Variants in SLC35D4 observed in about 807,000 individuals in gnomAD.
SLC35D4 encodes UDP-N-acetylglucosamine transporter SLC35D4.
the SLC35D4 span, among the ~76,000 whole-genome samples, chr18:23,382,451 T>C: frequency 3.3e-5 from 5 of 151,804 alleles, no homozygotes; most frequent in African/African-American, 9.7e-5. Context: ...GTTCCTGCCA[T>C]TGGAAGACTC....
At chr18:23,281,576 C>T in the SLC35D4 span, among the ~76,000 whole-genome samples, 6 of 152,244 alleles carry the variant, frequency 3.9e-5, no homozygotes, top group Admixed American at 2.6e-4. Flanking sequence ...ATCTGCCTGC[C>T]GTGGCCTCCC....
the SLC35D4 span, among the ~76,000 whole-genome samples, chr18:23,410,538 C>T: frequency 6.6e-6 from 1 of 151,004 alleles, no homozygotes; most frequent in Admixed American, 6.6e-5. Context: ...GGCGTAGTGG[C>T]TCACGCCTGT....
chr18:23,256,895 G>A, the SLC35D4 span, among the ~76,000 whole-genome samples: 1 of 152,238 alleles, frequency 6.6e-6, no homozygotes, highest in Non-Finnish European at 1.5e-5. Flanking sequence ...ATGTGACCCT[G>A]GCTAAGCTCT....
At chr18:23,370,107 G>T in the SLC35D4 span, 1 of 858,150 alleles carries the variant, frequency 1.2e-6, no homozygotes, top group South Asian at 1.8e-5. Flanking sequence ...TGAACCCGGG[G>T]GGTGGAGGGT....
the SLC35D4 span, chr18:23,399,774 C>T: frequency 2.2e-4 from 177 of 820,884 alleles, 2 homozygotes; most frequent in Middle Eastern, 0.013. Flanking sequence ...CCCTGGCAGA[C>T]TTGTTAAGTG....
chr18:23,251,145 T>A, the SLC35D4 span, among the ~76,000 whole-genome samples: 1 of 152,190 alleles, frequency 6.6e-6, no homozygotes, highest in Non-Finnish European at 1.5e-5. Flanking sequence ...TTCCTGAGCT[T>A]TGACTGATTA....
the SLC35D4 span, chr18:23,254,066 A>T: frequency 1.4e-6 from 1 of 731,722 alleles, no homozygotes; most frequent in Non-Finnish European, 2.3e-6. Flanking sequence ...GGTGAAGGCT[A>T]TGAAGTCTTT....
At chr18:23,248,693 C>T in the SLC35D4 span, among the ~76,000 whole-genome samples, 11 of 151,964 alleles carry the variant, frequency 7.2e-5, no homozygotes, top group East Asian at 5.8e-4. Flanking sequence ...GGTGTGGTGG[C>T]GCATGCCTGT....
At chr18:23,288,991 G>C in the SLC35D4 span, among the ~76,000 whole-genome samples, 5 of 152,176 alleles carry the variant, frequency 3.3e-5, no homozygotes, top group African/African-American at 1.2e-4. Context: ...ACAAGGTACA[G>C]CCCATTTAAG....
At chr18:23,342,046 G>C in the SLC35D4 span, among the ~76,000 whole-genome samples, 1 of 152,022 alleles carries the variant, frequency 6.6e-6, no homozygotes, top group Admixed American at 6.6e-5. Context: ...ACTATGCTTT[G>C]AGCACTATTA....
chr18:23,374,395 C>T, the SLC35D4 span, among the ~76,000 whole-genome samples: 2 of 152,018 alleles, frequency 1.3e-5, 1 homozygote, highest in South Asian at 4.1e-4. Context: ...AAACAACAGG[C>T]CTCCCCTATT....
chr18:23,398,863 A>C, the SLC35D4 span, among the ~76,000 whole-genome samples: 1 of 152,268 alleles, frequency 6.6e-6, no homozygotes, highest in Non-Finnish European at 1.5e-5. Flanking sequence ...TTTCTAATAG[A>C]TAAAAACAGT....
At chr18:23,365,709 C>T in the SLC35D4 span, 2 of 1,606,814 alleles carry the variant, frequency 1.2e-6, no homozygotes, top group Non-Finnish European at 1.7e-6. Context: ...GTTTCCCCGG[C>T]ACCAAAAACC....
At chr18:23,346,555 TA>T in the SLC35D4 span, among the ~76,000 whole-genome samples, 2 of 152,136 alleles carry the variant, frequency 1.3e-5, no homozygotes, top group African/African-American at 4.8e-5. Flanking sequence ...ATTGCATTCC[TA>T]AAAACTCCAT....
the SLC35D4 span, among the ~76,000 whole-genome samples, chr18:23,330,834 G>C: frequency 1.3e-5 from 2 of 152,086 alleles, no homozygotes; most frequent in South Asian, 4.1e-4. Context: ...CAAAGCACGG[G>C]GGGTCCAGAC....
At chr18:23,323,050 C>T in the SLC35D4 span, among the ~76,000 whole-genome samples, 6 of 152,214 alleles carry the variant, frequency 3.9e-5, no homozygotes, top group Non-Finnish European at 5.9e-5. Context: ...TTAAGCAGAA[C>T]TCTGTGCTTG....
chr18:23,289,828 A>T, the SLC35D4 span, among the ~76,000 whole-genome samples: 3 of 152,106 alleles, frequency 2.0e-5, no homozygotes, highest in Non-Finnish European at 2.9e-5. Context: ...TCCTGGCTCA[A>T]AAGCTCCCCT....
the SLC35D4 span, among the ~76,000 whole-genome samples, chr18:23,248,187 TGGCGCA>T: frequency 6.6e-6 from 1 of 152,180 alleles, no homozygotes; most frequent in African/African-American, 2.4e-5. Context: ...TCAGGGAGTG[TGGCGCA>T]GGGGCAGGGG....
At chr18:23,380,121 T>C in the SLC35D4 span, among the ~76,000 whole-genome samples, 1 of 152,088 alleles carries the variant, frequency 6.6e-6, no homozygotes. Flanking sequence ...AAAGAAGTCA[T>C]GCTGCCAAAA....
Sources: gnomAD v4.1 joint callset for allele counts (sites outside exome capture counted in the v4.1 genomes callset) on GRCh38, gnomAD v4.1.1 for gene constraint, MANE v1.5 for transcripts, NCBI Gene and HGNC (gene_info 2026-07-23, HGNC 2026-07-21) for gene names.